The following TMEM232 variants were observed in gnomAD, a reference collection of about 807,000 sequenced individuals.
The protein encoded by TMEM232 is transmembrane protein 232.
A neutral mutation model predicts 78.8 loss-of-function variants in TMEM232; 80 were observed. The observed-to-expected ratio is 1.01, with a 90% confidence interval of 0.85 to 1.22. The LOEUF (loss-of-function observed/expected upper bound fraction) is 1.22. Ranked by LOEUF, TMEM232 falls within the 50% of genes most tolerant of loss-of-function variation. TMEM232 has a pLI of 0.00. For synonymous variants in TMEM232, 297 were observed against 254.3 expected (o/e 1.17, Z -1.60); for missense variants, 881 against 742.2 (o/e 1.19, Z -2.17).
chr5:110,573,082 CCAAAA>C (rs1293740528), intron 10 of TMEM232, among the ~76,000 whole-genome samples: 1 of 151,934 alleles, frequency 6.6e-6, no homozygotes, highest in African/African-American at 2.4e-5. Context: ...AAAAGCCAAA[CCAAAA>C]CAAGTTCTTA....
intron 1 of TMEM232, among the ~76,000 whole-genome samples, chr5:110,700,011 C>T (rs1795245759): frequency 6.6e-6 from 1 of 152,018 alleles, no homozygotes; most frequent in African/African-American, 2.4e-5. Flanking sequence ...TATATGCTGG[C>T]ATCTGAAAGA....
chr5:110,571,323 G>A (rs1267753351), intron 10 of TMEM232, among the ~76,000 whole-genome samples: 1 of 152,030 alleles, frequency 6.6e-6, no homozygotes, highest in Non-Finnish European at 1.5e-5. Flanking sequence ...AGTAGGTAGA[G>A]AGAACAACTA....
chr5:110,533,417 C>T (rs201117217), intron 11 of TMEM232, among the ~76,000 whole-genome samples: 3 of 152,290 alleles, frequency 2.0e-5, no homozygotes, highest in South Asian at 2.1e-4. Flanking sequence ...GAGCCAGGAC[C>T]GCACCCTGTA....
At chr5:110,685,550 G>A (rs1184942352) in intron 1 of TMEM232, among the ~76,000 whole-genome samples, 1 of 151,988 alleles carries the variant, frequency 6.6e-6, no homozygotes, top group African/African-American at 2.4e-5. Context: ...CTAATATGTT[G>A]CTGATGGCAG....
intron 11 of TMEM232, among the ~76,000 whole-genome samples, chr5:110,552,675 C>T (rs1308659720): frequency 6.6e-6 from 1 of 151,994 alleles, no homozygotes; most frequent in Non-Finnish European, 1.5e-5. Context: ...CAAGCTTATT[C>T]AAGCTTATAT....
intron 1 of TMEM232, among the ~76,000 whole-genome samples, chr5:110,671,827 T>A (rs1033416799): frequency 6.6e-6 from 1 of 152,180 alleles, no homozygotes; most frequent in African/African-American, 2.4e-5. Context: ...CAAACCACCA[T>A]GGCATGTACA....
At chr5:110,562,792 T>C (rs774432903) in intron 11 of TMEM232, among the ~76,000 whole-genome samples, 5 of 152,032 alleles carry the variant, frequency 3.3e-5, no homozygotes, top group Non-Finnish European at 7.4e-5. Flanking sequence ...TATATAATTT[T>C]GTACTTTATA....
intron 5 of TMEM232, among the ~76,000 whole-genome samples, chr5:110,635,019 C>A (rs2149989367): frequency 6.6e-6 from 1 of 152,044 alleles, no homozygotes; most frequent in East Asian, 1.9e-4. Context: ...ACAATTAATA[C>A]CACAGAAGTA....
chr5:110,523,366 A>G (rs1769840344), intron 12 of TMEM232, among the ~76,000 whole-genome samples: 1 of 152,052 alleles, frequency 6.6e-6, no homozygotes. Flanking sequence ...TGTTTTGAAA[A>G]TCATCTATTT....
chr5:110,450,471 AT>A lies in TMEM232; in HGVS notation c.1704-25556del, dbSNP rs111760242. ...ATTATCTCATTATCTTCAAATCTCC[AT>A]TTTTTTTCAATCTTATTAACTATTG... On this transcript the variant is annotated intron_variant, in intron 12 of 13. Transcript: ENST00000455884. Among the ~76,000 whole-genome samples, 159 of 151,136 alleles carry A rather than the reference AT, an allele frequency of 1.1e-3. 1 individual carries two copies. The highest frequency in any genetic ancestry group is 3.3e-3 in the African/African-American group (137 of 41,168).
At chr5:110,530,813 T>C (rs1771341026) in intron 11 of TMEM232, among the ~76,000 whole-genome samples, 1 of 152,228 alleles carries the variant, frequency 6.6e-6, no homozygotes, top group Admixed American at 6.5e-5. Flanking sequence ...CTGTAGTTAA[T>C]ACAAATACAT....
chr5:110,416,706 CAAA>C (rs1270925521), downstream of TMEM232, among the ~76,000 whole-genome samples: 1 of 152,108 alleles, frequency 6.6e-6, no homozygotes, highest in Non-Finnish European at 1.5e-5. Context: ...CTGGTAGAAA[CAAA>C]AGAATCAATT....
chr5:110,460,291 A>G (rs551293479), intron 12 of TMEM232, among the ~76,000 whole-genome samples: 2 of 144,548 alleles, frequency 1.4e-5, no homozygotes, highest in African/African-American at 2.8e-5. Flanking sequence ...ATGTATAAGT[A>G]AGTGTGTGTG....
At chr5:110,485,782 G>A (rs1296526465) in intron 12 of TMEM232, among the ~76,000 whole-genome samples, 1 of 152,130 alleles carries the variant, frequency 6.6e-6, no homozygotes, top group Admixed American at 6.6e-5. Context: ...AAATATGCGT[G>A]TGCAAGTATC....
At chr5:110,663,099 G>T (rs114393331) in intron 2 of TMEM232, among the ~76,000 whole-genome samples, 1,786 of 152,012 alleles carry the variant, frequency 0.012, 46 homozygotes, top group African/African-American at 0.04. Flanking sequence ...TGTATGAAAC[G>T]TTCATAATAA....
rs565436485 is a variant in TMEM232 at position 110,636,103 on chromosome 5, T to C, written c.501+2095A>G. ...TGGCAATAAAATAATGAAATGTCAT[T>C]TGCAGTAATATGGATGGAACTGGGA... On this transcript the variant is annotated intron_variant, in intron 5 of 13. Coordinates refer to ENST00000455884, the MANE Select transcript of TMEM232 (RefSeq NM_001039763.4). Among the ~76,000 whole-genome samples the C allele has an allele frequency of 1.4e-4, 22 of 152,102 alleles. No individual in the cohort carries two copies. The East Asian group carries it at 2.3e-3, about 16-fold the overall frequency.
At chr5:110,713,577 A>T (rs1440674007) in intron 1 of TMEM232, among the ~76,000 whole-genome samples, 2 of 152,184 alleles carry the variant, frequency 1.3e-5, no homozygotes, top group Non-Finnish European at 2.9e-5. Flanking sequence ...TTTATGAGCT[A>T]AAGCAATAAA....
chr5:110,642,446 G>T, intron 2 of TMEM232, 75 bp from the exon 3 acceptor site: 1 of 1,015,778 alleles, frequency 9.8e-7, no homozygotes, highest in Non-Finnish European at 1.4e-6. Flanking sequence ...TCAACTTCCA[G>T]TGGCTATGTA....
At chr5:110,495,834 G>T (rs1265074990) in intron 12 of TMEM232, among the ~76,000 whole-genome samples, 1 of 150,336 alleles carries the variant, frequency 6.7e-6, no homozygotes, top group East Asian at 2.0e-4. Context: ...TTTTAATAAT[G>T]ATAATTCTAT....
Sources: allele counts gnomAD v4.1 joint callset (sites outside exome capture counted in the v4.1 genomes callset), GRCh38; gene constraint gnomAD v4.1.1; transcripts MANE v1.5; gene names NCBI Gene and HGNC (gene_info 2026-07-23, HGNC 2026-07-21).